The following MYO6 variants were observed in gnomAD, a reference collection of about 807,000 sequenced individuals.
MYO6 encodes myosin VI.
A neutral mutation model predicts 178.7 loss-of-function variants in MYO6; 74 were observed. The observed-to-expected ratio is 0.41, with a 90% CI of 0.34 to 0.50. The LOEUF (loss-of-function observed/expected upper bound fraction) is 0.50. Among genes scored for constraint, MYO6 ranks in the 20% least tolerant of loss-of-function variants. The pLI, the probability that MYO6 is intolerant of heterozygous loss-of-function variation, is 0.09. For synonymous variants in MYO6, 477 were observed against 504.6 expected (o/e 0.95, Z 0.73); for missense variants, 1,330 against 1,547.4 (o/e 0.86, Z 2.36).
At chr6:75,822,692 C>T in intron 2 of MYO6, 90 bp from the exon 3 acceptor site, 1 of 946,500 alleles carries the variant, frequency 1.1e-6, no homozygotes. Flanking sequence ...ATTGTTGCCA[C>T]TATTACAGTG....
In MYO6 at chr6:75,861,018, T is replaced by C. The variant is rs1222562934; in HGVS notation, c.1474-5T>C. 6.3e-7 allele frequency: 1 copy of C among 1,580,062 alleles called. No homozygotes were observed. The highest frequency in any genetic ancestry group is 2.2e-5 in the East Asian group (1 of 44,574). ...TATCTATGATTATGATTATTTCATT[T>C]TTAGGAACAAGAACTCTATCAAAAA... On this transcript the variant is annotated splice_polypyrimidine_tract_variant and splice_region_variant and intron_variant, in intron 14 of 34. Transcript: ENST00000369977.
intron 1 of MYO6, among the ~76,000 whole-genome samples, chr6:75,782,665 C>G (rs529054919): frequency 2.0e-5 from 3 of 152,196 alleles, no homozygotes; most frequent in South Asian, 4.2e-4. Flanking sequence ...TCTCTAGATT[C>G]AAGTTTCCTT....
At chr6:75,837,706 G>GT (rs566303538) in intron 7 of MYO6, among the ~76,000 whole-genome samples, 12 of 151,466 alleles carry the variant, frequency 7.9e-5, no homozygotes, top group South Asian at 2.1e-4. Flanking sequence ...CACCAGTAAA[G>GT]TTTTTTTTTA....
chr6:75,848,264 T>C (rs1774920571), intron 10 of MYO6, 87 bp from the exon 11 acceptor site: 1 of 1,188,828 alleles, frequency 8.4e-7, no homozygotes, highest in East Asian at 2.3e-5. Context: ...TTGCATGTTA[T>C]ATAGTGCATT....
intron 1 of MYO6, among the ~76,000 whole-genome samples, chr6:75,800,093 T>C (rs1288884329): frequency 6.6e-6 from 1 of 152,132 alleles, no homozygotes; most frequent in African/African-American, 2.4e-5. Context: ...CTGACACATA[T>C]TGGGAATTCA....
At chr6:75,825,374 C>T (rs554323490) in intron 3 of MYO6, among the ~76,000 whole-genome samples, 7 of 152,280 alleles carry the variant, frequency 4.6e-5, no homozygotes, top group South Asian at 2.1e-4. Context: ...GGGTGGATCA[C>T]CTGAGGTCAG....
intron 24 of MYO6, among the ~76,000 whole-genome samples, chr6:75,886,609 C>T (rs1469721419): frequency 6.6e-6 from 1 of 152,132 alleles, no homozygotes; most frequent in African/African-American, 2.4e-5. Context: ...AGATTAATTT[C>T]CTCTGTGATT....
At chr6:75,774,224 G>A (rs920591520) in intron 1 of MYO6, among the ~76,000 whole-genome samples, 3 of 152,084 alleles carry the variant, frequency 2.0e-5, no homozygotes, top group Non-Finnish European at 4.4e-5. Flanking sequence ...ATAATAAAAT[G>A]TAATGAACTT....
intron 30 of MYO6, among the ~76,000 whole-genome samples, chr6:75,904,623 G>A (rs931457026): frequency 1.5e-4 from 23 of 152,104 alleles, no homozygotes; most frequent in South Asian, 2.1e-4. Context: ...CTAGTTATAC[G>A]TTCTTCTAAA....
chr6:75,770,188 G>A (rs1765732688), intron 1 of MYO6, among the ~76,000 whole-genome samples: 1 of 152,172 alleles, frequency 6.6e-6, no homozygotes, highest in Non-Finnish European at 1.5e-5. Flanking sequence ...ATGATTGTAA[G>A]CTTCATGAGG....
chr6:75,879,791 C>A (rs774656140), intron 20 of MYO6, 29 bp from the exon 21 acceptor site: 14 of 1,613,954 alleles, frequency 8.7e-6, no homozygotes, highest in Non-Finnish European at 1.1e-5. Flanking sequence ...CAGTGATTGA[C>A]AGTGCTTTGT....
At chr6:75,894,833 A>G in intron 28 of MYO6, 1 of 1,518,466 alleles carries the variant, frequency 6.6e-7, no homozygotes, top group East Asian at 2.4e-5. Flanking sequence ...CTATCCGGTA[A>G]CTTCTAAGTA....
Position 75,857,079 on chromosome 6 carries a change from C to T in MYO6, c.1224-18C>T. On this transcript the variant is annotated intron_variant, in intron 12 of 34. Coordinates refer to ENST00000369977, the MANE Select transcript of MYO6 (RefSeq NM_004999.4). ...CACTATTATAAAGAATTTTTACTAG[C>T]ATAGTTTTCTTTTATAGGGTACCTC... is the stretch of plus-strand genomic sequence containing the variant. 1 of 1,613,330 alleles carries T rather than the reference C, an allele frequency of 6.2e-7. No individual in the cohort carries two copies. The highest frequency in any genetic ancestry group is 8.5e-7 in the Non-Finnish European group (1 of 1,179,526).
chr6:75,774,204 G>T (rs1174881425), intron 1 of MYO6, among the ~76,000 whole-genome samples: 2 of 152,004 alleles, frequency 1.3e-5, no homozygotes, highest in Non-Finnish European at 2.9e-5. Flanking sequence ...TAATATAAAT[G>T]CTTTTTTACA....
rs1054720326 is a variant in MYO6 at position 75,908,407 on chromosome 6, TCTC to T, written c.3281-86_3281-84del. 2.7e-5 allele frequency: 35 copies of T among 1,288,258 alleles called. No homozygotes were observed. In the African/African-American group the frequency reaches 4.8e-4, roughly 18 times the overall value. 79.8% of individuals were successfully genotyped at this position (1,288,258 alleles called of 1,614,324 possible). On this transcript the variant is annotated intron_variant, in intron 31 of 34. Transcript: ENST00000369977. The stretch of plus-strand genomic sequence containing the variant: ...TACCATTAATTTAAAAATAAAAAAA[TCTC>T]CTTATGCGACAGAATAATTATATCA...
At chr6:75,813,723 A>G (rs1472329923) in intron 1 of MYO6, among the ~76,000 whole-genome samples, 1 of 152,134 alleles carries the variant, frequency 6.6e-6, no homozygotes. Context: ...CTGACTGTTC[A>G]GGCCCCAGGG....
rs766637637 is a variant in MYO6 at position 75,919,518 on chromosome 6, T to C, written c.*4506T>C. 8.5e-5 allele frequency: 13 copies of C among 152,770 alleles called. No homozygotes were observed. Among genetic ancestry groups the C allele is most frequent in the Admixed American group, 5.9e-4 (9 of 15,304 alleles). 9.5% of individuals were successfully genotyped at this position (152,770 alleles called of 1,614,324 possible). On this transcript the variant is annotated 3_prime_UTR_variant, in exon 35 of 35. Coordinates refer to ENST00000369977, the MANE Select transcript of MYO6 (RefSeq NM_004999.4). ...TGTACTGGAAATACAAATAAATAAA[T>C]GCTCCCTGTGTAGAATTTCCACTTG...
At chr6:75,889,758 CCTGT>C (rs1282909921) in intron 25 of MYO6, among the ~76,000 whole-genome samples, 2 of 152,060 alleles carry the variant, frequency 1.3e-5, no homozygotes, top group South Asian at 2.1e-4. Flanking sequence ...CCACAGATTA[CCTGT>C]CTAATTGATG....
chr6:75,847,724 T>C (rs1450969298), intron 10 of MYO6, among the ~76,000 whole-genome samples: 1 of 152,112 alleles, frequency 6.6e-6, no homozygotes, highest in Non-Finnish European at 1.5e-5. Context: ...TTCTAAGGCA[T>C]GAAAATTGTA....
Sources: allele counts gnomAD v4.1 joint callset (sites outside exome capture counted in the v4.1 genomes callset), GRCh38; gene constraint gnomAD v4.1.1; transcripts MANE v1.5; gene names NCBI Gene and HGNC (gene_info 2026-07-23, HGNC 2026-07-21).